COX10: variants seen among roughly 807,000 people sequenced by gnomAD.
COX10 encodes protoheme IX farnesyltransferase, mitochondrial.
In COX10, 27 loss-of-function variants were observed where a neutral mutation model predicts 37.3. The ratio of observed to expected loss-of-function variants is 0.72; its 90% confidence interval spans 0.53 to 1.00. The LOEUF is 1.00. Ranked by LOEUF, COX10 falls within the 50% of genes least tolerant of loss-of-function variation. COX10 has a pLI of 0.00. For synonymous variants in COX10, 222 were observed against 229.1 expected (o/e 0.97, Z 0.28); for missense variants, 475 against 563.2 (o/e 0.84, Z 1.59).
chr17:14,120,400 A>G (rs192119668), intron 4 of COX10, among the ~76,000 whole-genome samples: 45 of 152,368 alleles, frequency 3.0e-4, no homozygotes, highest in African/African-American at 1.1e-3. Flanking sequence ...ACATAATTGA[A>G]CAGCATATGG....
intron 4 of COX10, among the ~76,000 whole-genome samples, chr17:14,131,581 A>T (rs1328063279): frequency 1.3e-5 from 2 of 152,096 alleles, no homozygotes; most frequent in Non-Finnish European, 2.9e-5. Context: ...ATGCCATAAA[A>T]TACACTGGGT....
At chr17:14,135,588 T>C (rs1597514936) in intron 4 of COX10, among the ~76,000 whole-genome samples, 1 of 152,030 alleles carries the variant, frequency 6.6e-6, no homozygotes, top group East Asian at 1.9e-4. Context: ...TGAGAAACAC[T>C]TAATATTGAG....
intron 6 of COX10, 83 bp from the exon 7 acceptor site, chr17:14,206,727 T>G (rs1189918389): frequency 6.4e-7 from 1 of 1,562,432 alleles, no homozygotes; most frequent in African/African-American, 1.4e-5. Context: ...CCAGGCAGGC[T>G]CTCCCAGGAG....
intron 5 of COX10, among the ~76,000 whole-genome samples, chr17:14,188,213 G>GA (rs10648666): frequency 0.012 from 1,712 of 139,370 alleles, 15 homozygotes; most frequent in African/African-American, 0.017. Context: ...GTCTCATAGG[G>GA]AAAAAAAAAA....
intron 3 of COX10, among the ~76,000 whole-genome samples, chr17:14,092,600 C>T (rs1015690553): frequency 6.6e-6 from 1 of 151,992 alleles, no homozygotes; most frequent in African/African-American, 2.4e-5. Context: ...CTGAACTTAA[C>T]AATAAGCATG....
At chr17:14,094,069 G>A (rs1915588448) in intron 3 of COX10, among the ~76,000 whole-genome samples, 2 of 152,092 alleles carry the variant, frequency 1.3e-5, no homozygotes, top group East Asian at 1.9e-4. Flanking sequence ...TGAAAAAAAG[G>A]GAGAGCCAAA....
At chr17:14,198,169 C>A (rs1283670373) in intron 6 of COX10, among the ~76,000 whole-genome samples, 1 of 152,124 alleles carries the variant, frequency 6.6e-6, no homozygotes, top group Non-Finnish European at 1.5e-5. Flanking sequence ...ACAGAAGTGA[C>A]CTGCTGGAGC....
chr17:14,207,408 T>C lies in COX10; in HGVS notation c.*195T>C. 1 of 698,516 alleles carries C rather than the reference T, an allele frequency of 1.4e-6. No individual in the cohort carries two copies. The highest frequency in any genetic ancestry group is 2.2e-5 in the South Asian group (1 of 44,524). 43.3% of individuals were successfully genotyped at this position (698,516 alleles called of 1,614,324 possible). On this transcript the variant is annotated 3_prime_UTR_variant, in exon 7 of 7. Transcript: ENST00000261643. ...CTCCCCAAATAAGAAATGCATCAGCTCAGTCAGTGAATACAAAAAAGGAAT... is the reference window on the plus strand; with the variant it reads ...CTCCCCAAATAAGAAATGCATCAGCCCAGTCAGTGAATACAAAAAAGGAAT...
At chr17:14,114,034 G>C (rs1328232142) in intron 4 of COX10, among the ~76,000 whole-genome samples, 2 of 152,104 alleles carry the variant, frequency 1.3e-5, no homozygotes, top group Admixed American at 6.6e-5. Context: ...CCATTTTGCA[G>C]TTGTCAAACA....
At chr17:14,121,554 G>A (rs1335084350) in intron 4 of COX10, among the ~76,000 whole-genome samples, 1 of 152,160 alleles carries the variant, frequency 6.6e-6, no homozygotes, top group Non-Finnish European at 1.5e-5. Context: ...GTGACATGGG[G>A]CAAATTACTT....
rs969935529 is a variant in COX10 at position 14,121,746 on chromosome 17, G to C, written c.624+19504G>C. ...TTTAGAACATAAATAAAGTGATATA[G>C]AATATCATAGAAAAAAGATTATCTC... On this transcript the variant is annotated intron_variant, in intron 4 of 6. Transcript: ENST00000261643. Among the ~76,000 whole-genome samples the C allele has an allele frequency of 8.5e-5, 13 of 152,110 alleles. 1 individual carries two copies. Among genetic ancestry groups the C allele is most frequent in the Non-Finnish European group, 1.6e-4 (11 of 68,032 alleles).
chr17:14,128,339 C>T (rs1206870302), intron 4 of COX10, among the ~76,000 whole-genome samples: 1 of 151,886 alleles, frequency 6.6e-6, no homozygotes, highest in Non-Finnish European at 1.5e-5. Flanking sequence ...TAGCTGTGAA[C>T]ATTAGAAACA....
At chr17:14,108,613 G>C (rs546084437) in intron 4 of COX10, among the ~76,000 whole-genome samples, 1 of 152,104 alleles carries the variant, frequency 6.6e-6, no homozygotes, top group South Asian at 2.1e-4. Flanking sequence ...ATAGGGTCAA[G>C]AAGAGACATG....
intron 4 of COX10, among the ~76,000 whole-genome samples, chr17:14,140,474 G>A (rs1045723233): frequency 6.6e-6 from 1 of 152,100 alleles, no homozygotes; most frequent in Middle Eastern, 3.4e-3. Context: ...TGGTTGGCAT[G>A]TAGTTTTCTC....
intron 5 of COX10, among the ~76,000 whole-genome samples, chr17:14,166,707 G>A (rs973161994): frequency 2.7e-5 from 4 of 146,646 alleles, no homozygotes; most frequent in Non-Finnish European, 4.5e-5. Context: ...TGCCTCCTGG[G>A]TTCAAGCGAT....
chr17:14,133,322 T>G (rs1263845990), intron 4 of COX10, among the ~76,000 whole-genome samples: 1 of 151,668 alleles, frequency 6.6e-6, no homozygotes, highest in Non-Finnish European at 1.5e-5. Context: ...CCATTAATCT[T>G]TATTACACCA....
intron 4 of COX10, among the ~76,000 whole-genome samples, chr17:14,147,239 A>G (rs1904747299): frequency 6.6e-6 from 1 of 152,192 alleles, no homozygotes; most frequent in Non-Finnish European, 1.5e-5. Context: ...AAGATTTGGA[A>G]GCAAACTAAA....
intron 4 of COX10, among the ~76,000 whole-genome samples, chr17:14,136,543 A>G (rs1295485737): frequency 6.6e-6 from 1 of 152,062 alleles, no homozygotes; most frequent in Non-Finnish European, 1.5e-5. Flanking sequence ...GCCATAAAGC[A>G]CGGCTGAGAC....
At chr17:14,107,967 T>C (rs976227472) in intron 4 of COX10, among the ~76,000 whole-genome samples, 2 of 152,186 alleles carry the variant, frequency 1.3e-5, no homozygotes, top group African/African-American at 4.8e-5. Context: ...AACTCAGTGT[T>C]CTTTTTTCTT....
Sources: allele counts gnomAD v4.1 joint callset (sites outside exome capture counted in the v4.1 genomes callset), GRCh38; gene constraint gnomAD v4.1.1; transcripts MANE v1.5; gene names NCBI Gene and HGNC (gene_info 2026-07-23, HGNC 2026-07-21).